FOXP1: variants seen among roughly 807,000 people sequenced by gnomAD.
FOXP1 encodes the protein forkhead box protein P1.
Under a neutral mutation model 98.2 loss-of-function variants are expected in FOXP1, and 15 were observed. That is an observed-to-expected ratio of 0.15 (90% confidence interval 0.10 to 0.24). The LOEUF (loss-of-function observed/expected upper bound fraction) is 0.24. FOXP1 is among the 10% of genes least tolerant of loss of function. FOXP1 has a pLI of 1.00. For synonymous variants in FOXP1, 371 were observed against 314.5 expected (o/e 1.18, Z -1.90); for missense variants, 633 against 848.5 (o/e 0.75, Z 3.15).
intron 4 of FOXP1, among the ~76,000 whole-genome samples, chr3:71,329,237 T>G (rs1202266137): frequency 6.6e-6 from 1 of 151,782 alleles, no homozygotes; most frequent in Non-Finnish European, 1.5e-5. Flanking sequence ...TTTTCTTTTT[T>G]TTGAGAGGGA....
intron 5 of FOXP1, among the ~76,000 whole-genome samples, chr3:71,220,224 C>G (rs185004021): frequency 6.6e-6 from 1 of 152,048 alleles, no homozygotes; most frequent in African/African-American, 2.4e-5. Context: ...TAATGTCAGA[C>G]GAGTGAATGA....
chr3:71,324,235 G>A (rs2075556485), intron 4 of FOXP1, among the ~76,000 whole-genome samples: 1 of 152,034 alleles, frequency 6.6e-6, no homozygotes, highest in African/African-American at 2.4e-5. Flanking sequence ...TACCAATTTG[G>A]TTCTGTTTTT....
chr3:71,379,554 T>A (rs542464721), intron 3 of FOXP1, among the ~76,000 whole-genome samples: 10 of 152,224 alleles, frequency 6.6e-5, no homozygotes, highest in African/African-American at 2.4e-4. Flanking sequence ...CTGCTGATGA[T>A]TTCTATACAG....
chr3:71,380,698 A>ATTTT (rs11395817), intron 3 of FOXP1, among the ~76,000 whole-genome samples: 85 of 100,270 alleles, frequency 8.5e-4, no homozygotes, highest in South Asian at 1.4e-3. Context: ...CTTTTTAGAC[A>ATTTT]TTTTTTTTTT....
At chr3:71,503,601 GAA>G (rs368279502) in intron 2 of FOXP1, among the ~76,000 whole-genome samples, 4 of 75,712 alleles carry the variant, frequency 5.3e-5, no homozygotes, top group African/African-American at 1.1e-4. Flanking sequence ...ACTCTGTCTC[GAA>G]AAAAAAAAAA....
At chr3:71,365,381 C>A (rs1037431543) in intron 3 of FOXP1, among the ~76,000 whole-genome samples, 3 of 151,082 alleles carry the variant, frequency 2.0e-5, no homozygotes, top group African/African-American at 4.9e-5. Flanking sequence ...AGGGCCCATG[C>A]GCCCACATAG....
intron 11 of FOXP1, among the ~76,000 whole-genome samples, chr3:71,020,554 A>C (rs1389067204): frequency 6.6e-6 from 1 of 152,206 alleles, no homozygotes; most frequent in Admixed American, 6.5e-5. Flanking sequence ...TGCTGTCTGC[A>C]GTCTTTAGTG....
intron 3 of FOXP1, among the ~76,000 whole-genome samples, chr3:71,431,036 T>C (rs1043715854): frequency 6.6e-6 from 1 of 152,108 alleles, no homozygotes; most frequent in Non-Finnish European, 1.5e-5. Flanking sequence ...AGAAGGTGCA[T>C]GGTGGACAGA....
intron 2 of FOXP1, among the ~76,000 whole-genome samples, chr3:71,509,501 C>T (rs567626818): frequency 6.6e-6 from 1 of 152,172 alleles, no homozygotes; most frequent in Non-Finnish European, 1.5e-5. Context: ...TCTCCAAATA[C>T]AGTCACATTC....
At chr3:71,535,560 C>A (rs920911423) in intron 2 of FOXP1, among the ~76,000 whole-genome samples, 1 of 152,108 alleles carries the variant, frequency 6.6e-6, no homozygotes. Context: ...ACAACAACAA[C>A]AACAAAAACA....
chr3:71,484,006 G>GT (rs1371637837), intron 3 of FOXP1, among the ~76,000 whole-genome samples: 2 of 152,114 alleles, frequency 1.3e-5, no homozygotes, highest in African/African-American at 4.8e-5. Context: ...TCGAATTTTG[G>GT]TTCCCCTAAT....
At chr3:71,583,860 C>T (rs908385166), upstream of FOXP1, 9 of 985,648 alleles carry the variant, frequency 9.1e-6, no homozygotes, top group Middle Eastern at 5.2e-4. Flanking sequence ...GGGGCGCACC[C>T]CGGCCCGACC....
At chr3:71,417,797 C>A (rs1301571037) in intron 3 of FOXP1, among the ~76,000 whole-genome samples, 1 of 151,830 alleles carries the variant, frequency 6.6e-6, no homozygotes, top group Non-Finnish European at 1.5e-5. Flanking sequence ...TTAATTTGGC[C>A]AAATAAAGGA....
intron 7 of FOXP1, among the ~76,000 whole-genome samples, chr3:71,066,482 G>C (rs553571102): frequency 1.3e-5 from 2 of 152,152 alleles, no homozygotes; most frequent in Admixed American, 6.5e-5. Context: ...TCTTTTGCGA[G>C]GTAGAAGGAC....
intron 6 of FOXP1, among the ~76,000 whole-genome samples, chr3:71,163,931 G>A (rs1320111705): frequency 6.6e-6 from 1 of 152,158 alleles, no homozygotes; most frequent in Non-Finnish European, 1.5e-5. Context: ...AGAGAGTGTG[G>A]AGAAAGGGCT....
intron 3 of FOXP1, among the ~76,000 whole-genome samples, chr3:71,482,895 C>T (rs1292771248): frequency 6.6e-6 from 1 of 151,500 alleles, no homozygotes. Context: ...AGTGTAGTGG[C>T]ATGATCTCAG....
chr3:71,358,652 G>A (rs1307576144), intron 4 of FOXP1, among the ~76,000 whole-genome samples: 1 of 152,188 alleles, frequency 6.6e-6, no homozygotes, highest in Admixed American at 6.5e-5. Context: ...TACCCAGCGA[G>A]GTGTCAGGTT....
At chr3:71,337,771 T>C (rs910753449) in intron 4 of FOXP1, among the ~76,000 whole-genome samples, 37 of 152,240 alleles carry the variant, frequency 2.4e-4, no homozygotes, top group Admixed American at 2.2e-3. Context: ...AAAAGGTTAA[T>C]AAGCTCTTCT....
intron 2 of FOXP1, among the ~76,000 whole-genome samples, chr3:71,564,037 G>T (rs879377783): frequency 1.3e-5 from 2 of 152,180 alleles, no homozygotes; most frequent in African/African-American, 4.8e-5. Context: ...GGCCACTTAA[G>T]GTTTCACTTC....
Sources: gnomAD v4.1 joint callset for allele counts (sites outside exome capture counted in the v4.1 genomes callset) on GRCh38, gnomAD v4.1.1 for gene constraint, MANE v1.5 for transcripts, NCBI Gene and HGNC (gene_info 2026-07-23, HGNC 2026-07-21) for gene names.